Variants in MAP4K4 observed in about 807,000 individuals in gnomAD.
MAP4K4 encodes the protein mitogen-activated protein kinase kinase kinase kinase 4, also known as HPK/GCK-like kinase HGK.
In MAP4K4, 38 loss-of-function variants were observed where a neutral mutation model predicts 189.6. The observed-to-expected ratio is 0.20, with a 90% CI of 0.15 to 0.26. MAP4K4 has a LOEUF of 0.26. Among genes scored for constraint, MAP4K4 ranks in the 10% least tolerant of loss-of-function variants. The probability of loss-of-function intolerance (pLI) is 1.00; values close to 1 mark genes in which losing one functional copy is unlikely to be tolerated. For synonymous variants in MAP4K4, 610 were observed against 624.3 expected, an observed-to-expected ratio of 0.98 and a Z score of 0.34; for missense variants, 1,054 against 1,726.9, an observed-to-expected ratio of 0.61 and a Z score of 6.91.
chr2:101,776,562 A>C (rs552913297), intron 2 of MAP4K4, among the ~76,000 whole-genome samples: 14 of 134,294 alleles, frequency 1.0e-4, no homozygotes, highest in African/African-American at 3.6e-4. Context: ...AAGACAAAAA[A>C]TGCACCCCCA....
intron 2 of MAP4K4, among the ~76,000 whole-genome samples, chr2:101,759,057 C>T (rs954306827): frequency 1.3e-5 from 2 of 150,796 alleles, no homozygotes; most frequent in African/African-American, 2.4e-5. Context: ...GGCGTAAACC[C>T]GGGAGGCGGA....
At chr2:101,858,955 C>T (rs753570885) in intron 13 of MAP4K4, 41 bp from the exon 14 acceptor site, 3 of 1,504,740 alleles carry the variant, frequency 2.0e-6, no homozygotes, top group Non-Finnish European at 1.8e-6. Context: ...TGATGCTTTT[C>T]TTTGGGATAA....
chr2:101,719,569 G>T (rs1187813454), intron 2 of MAP4K4, among the ~76,000 whole-genome samples: 1 of 152,150 alleles, frequency 6.6e-6, no homozygotes, highest in Non-Finnish European at 1.5e-5. Flanking sequence ...GTGGGCAGGT[G>T]TAAGTACAAT....
At chr2:101,874,402 T>G (rs2098138390) in intron 26 of MAP4K4, 150 bp downstream of exon 26, 1 of 646,108 alleles carries the variant, frequency 1.5e-6, no homozygotes, top group African/African-American at 1.8e-5. Context: ...AGTGGTATAT[T>G]AGCAGACTGG....
chr2:101,878,688 C>T (rs2098283410), intron 27 of MAP4K4, among the ~76,000 whole-genome samples: 1 of 152,124 alleles, frequency 6.6e-6, no homozygotes, highest in Non-Finnish European at 1.5e-5. Flanking sequence ...ATTCCTTGGT[C>T]AGATGGCATG....
intron 2 of MAP4K4, among the ~76,000 whole-genome samples, chr2:101,768,313 T>G (rs2079630288): frequency 6.6e-6 from 1 of 152,224 alleles, no homozygotes; most frequent in Admixed American, 6.5e-5. Flanking sequence ...ATCGTGATAT[T>G]TAATATATAT....
At chr2:101,747,692 C>A (rs1213976744) in intron 2 of MAP4K4, among the ~76,000 whole-genome samples, 1 of 151,672 alleles carries the variant, frequency 6.6e-6, no homozygotes, top group Non-Finnish European at 1.5e-5. Flanking sequence ...TTTTTCCCTG[C>A]CCCCCCTTCT....
chr2:101,785,067 C>T (rs1190105001), intron 2 of MAP4K4, among the ~76,000 whole-genome samples: 1 of 152,202 alleles, frequency 6.6e-6, no homozygotes, highest in Non-Finnish European at 1.5e-5. Context: ...TCTCCGGTGT[C>T]ACAGGATATG....
exon 33 of MAP4K4, chr2:101,893,627 G>T: frequency 5.9e-6 from 1 of 170,518 alleles, no homozygotes. Context: ...GATGCTAAGT[G>T]GGAGAAGGCA....
intron 8 of MAP4K4, among the ~76,000 whole-genome samples, chr2:101,835,641 C>G (rs1025841662): frequency 6.6e-6 from 1 of 152,152 alleles, no homozygotes; most frequent in African/African-American, 2.4e-5. Flanking sequence ...TCCTATAAGA[C>G]TTAGATTTAT....
chr2:101,720,231 T>G (rs1447758167), intron 2 of MAP4K4, among the ~76,000 whole-genome samples: 1 of 148,274 alleles, frequency 6.7e-6, no homozygotes, highest in Non-Finnish European at 1.5e-5. Context: ...TAGAGTGCAG[T>G]GGCATGACCT....
chr2:101,730,936 A>G (rs1305406540), intron 2 of MAP4K4, among the ~76,000 whole-genome samples: 1 of 151,160 alleles, frequency 6.6e-6, no homozygotes, highest in Non-Finnish European at 1.5e-5. Context: ...AGTCCCAACT[A>G]CTCGGGAGCC....
At chr2:101,726,921 T>G (rs899481604) in intron 2 of MAP4K4, among the ~76,000 whole-genome samples, 1 of 152,158 alleles carries the variant, frequency 6.6e-6, no homozygotes, top group African/African-American at 2.4e-5. Flanking sequence ...TGGGGGACTT[T>G]CTTGTTGATG....
chr2:101,836,013 CT>C (rs752546410), intron 9 of MAP4K4, 35 bp downstream of exon 9: 64 of 1,503,666 alleles, frequency 4.3e-5, no homozygotes, highest in Non-Finnish European at 4.9e-5. Flanking sequence ...GTTCTTTTCC[CT>C]TTTTTTTAAA....
chr2:101,753,262 G>C (rs2070185555), intron 2 of MAP4K4, among the ~76,000 whole-genome samples: 1 of 152,146 alleles, frequency 6.6e-6, no homozygotes, highest in African/African-American at 2.4e-5. Flanking sequence ...TGCCTCCCCA[G>C]ATTTGCCTTT....
At chr2:101,717,949 G>A (rs966532334) in intron 2 of MAP4K4, among the ~76,000 whole-genome samples, 3 of 151,184 alleles carry the variant, frequency 2.0e-5, no homozygotes, top group African/African-American at 7.3e-5. Flanking sequence ...TTGACTGTGT[G>A]TTATTAAAAA....
At chr2:101,730,051 A>C (rs1250995898) in intron 2 of MAP4K4, among the ~76,000 whole-genome samples, 3 of 152,202 alleles carry the variant, frequency 2.0e-5, no homozygotes, top group African/African-American at 7.2e-5. Flanking sequence ...AGCTAGAGTT[A>C]GTCCAGGGGC....
At chr2:101,826,579 G>A (rs1053698967) in intron 5 of MAP4K4, among the ~76,000 whole-genome samples, 3 of 152,054 alleles carry the variant, frequency 2.0e-5, no homozygotes, top group Non-Finnish European at 4.4e-5. Flanking sequence ...TCAGGTACTG[G>A]GCCAGATGCA....
intron 22 of MAP4K4, 60 bp downstream of exon 22, chr2:101,869,857 T>C: frequency 6.8e-7 from 1 of 1,464,324 alleles, no homozygotes; most frequent in Non-Finnish European, 9.0e-7. Context: ...TGCTTTCCAC[T>C]GGGACCTAGT....
Sources: gnomAD v4.1 joint callset for allele counts (sites outside exome capture counted in the v4.1 genomes callset) on GRCh38, gnomAD v4.1.1 for gene constraint, MANE v1.5 for transcripts, NCBI Gene and HGNC (gene_info 2026-07-23, HGNC 2026-07-21) for gene names.